The following ARPP21 variants were observed in gnomAD, a reference collection of about 807,000 sequenced individuals.
ARPP21 encodes cAMP regulated phosphoprotein 21.
In ARPP21, 69 loss-of-function variants were observed where a neutral mutation model predicts 113.2. The ratio of observed to expected loss-of-function variants is 0.61; its 90% CI spans 0.50 to 0.74. The LOEUF is 0.74. ARPP21 is among the 30% of genes least tolerant of loss of function. The probability of loss-of-function intolerance (pLI) is 0.00; values close to 1 mark genes in which losing one functional copy is unlikely to be tolerated. For synonymous variants in ARPP21, 368 were observed against 375.5 expected (o/e 0.98, Z 0.23); for missense variants, 1,070 against 1,037.4 (o/e 1.03, Z -0.43).
intron 1 of ARPP21, among the ~76,000 whole-genome samples, chr3:35,653,772 A>G (rs543268118): frequency 6.6e-6 from 1 of 152,202 alleles, no homozygotes; most frequent in African/African-American, 2.4e-5. Context: ...CTCTACATGT[A>G]CTGACTATCC....
At position 35,786,857 on chromosome 3, in the gene ARPP21, A is replaced by G. The variant is rs575145563; in HGVS notation, c.2138-5525A>G. Among the ~76,000 whole-genome samples the G allele has an allele frequency of 9.1e-4, 139 of 152,108 alleles. 1 individual carries two copies. The highest frequency in any genetic ancestry group is 1.7e-3 in the Non-Finnish European group (114 of 67,962). ...GAAGTTGGAGGCAGGAACATCCATG[A>G]CCCCAAAATTCACCTCTCTGAGGCA... On this transcript the variant is annotated intron_variant, in intron 19 of 20. Coordinates refer to ENST00000684406, the MANE Select transcript of ARPP21 (RefSeq NM_001385562.1).
At chr3:35,754,124 A>C (rs2151137234) in intron 19 of ARPP21, among the ~76,000 whole-genome samples, 1 of 152,080 alleles carries the variant, frequency 6.6e-6, no homozygotes, top group Non-Finnish European at 1.5e-5. Flanking sequence ...AATAAGATGC[A>C]TTAATTTATA....
At chr3:35,713,085 A>G (rs2091656897) in intron 11 of ARPP21, among the ~76,000 whole-genome samples, 1 of 152,166 alleles carries the variant, frequency 6.6e-6, no homozygotes, top group Non-Finnish European at 1.5e-5. Flanking sequence ...GATGTGGGAG[A>G]GAACTCTATA....
chr3:35,764,861 A>G (rs2095904329), intron 19 of ARPP21, among the ~76,000 whole-genome samples: 1 of 152,136 alleles, frequency 6.6e-6, no homozygotes, highest in African/African-American at 2.4e-5. Flanking sequence ...AGAGGAATAT[A>G]GAGGAATTTT....
intron 19 of ARPP21, among the ~76,000 whole-genome samples, chr3:35,748,662 T>C (rs541376304): frequency 6.6e-6 from 1 of 152,352 alleles, no homozygotes; most frequent in Non-Finnish European, 1.5e-5. Context: ...TGAAATGAAG[T>C]GTTGATGAAC....
intron 1 of ARPP21, among the ~76,000 whole-genome samples, chr3:35,661,081 A>G (rs1186940376): frequency 2.0e-5 from 3 of 152,136 alleles, no homozygotes; most frequent in Non-Finnish European, 4.4e-5. Flanking sequence ...GGTAAATAAT[A>G]GTTTATCAAC....
intron 19 of ARPP21, among the ~76,000 whole-genome samples, chr3:35,760,703 TG>T (rs1262020298): frequency 6.6e-6 from 1 of 152,108 alleles, no homozygotes; most frequent in Non-Finnish European, 1.5e-5. Context: ...CAGCCCATCA[TG>T]GCACTGTGGA....
At position 35,690,953 on chromosome 3, in the gene ARPP21, G is replaced by A. The variant is rs755440251; in HGVS notation, c.634G>A (p.Val212Met). 29 of 1,610,790 alleles carry A rather than the reference G, an allele frequency of 1.8e-5. No individual in the cohort carries two copies. Among genetic ancestry groups the A allele is most frequent in the Non-Finnish European group, 2.5e-5 (29 of 1,177,992 alleles). ...AGCTTATTTTGGATTGGATCACAAT[G>A]TGGATCAAACAGGAAAATCTGTTAT... ...VAAYFGLDHN[V>M]DQTGKSVIIN... is the part of the protein sequence containing the mutation. Residue 212 changes from valine to methionine, a missense_variant, in exon 9 of 21, where the codon GTG becomes ATG. Val to Met is a conservative substitution (Grantham distance 21). Transcript: ENST00000684406.
chr3:35,655,533 A>G (rs917506028), intron 1 of ARPP21, among the ~76,000 whole-genome samples: 4 of 151,986 alleles, frequency 2.6e-5, no homozygotes, highest in Non-Finnish European at 4.4e-5. Context: ...TATTGTTTCA[A>G]ATGAGGACTC....
chr3:35,778,786 A>G (rs73828914), intron 19 of ARPP21, among the ~76,000 whole-genome samples: 3,417 of 152,250 alleles, frequency 0.022, 120 homozygotes, highest in African/African-American at 0.078. Flanking sequence ...TTTATCTTCT[A>G]TAAAGTGAGA....
chr3:35,788,718 C>A (rs1016568367), intron 19 of ARPP21, among the ~76,000 whole-genome samples: 2 of 152,166 alleles, frequency 1.3e-5, no homozygotes, highest in Non-Finnish European at 2.9e-5. Context: ...AATCTACAAT[C>A]CCTAATCAAT....
chr3:35,737,007 G>C (rs749520475), intron 15 of ARPP21, among the ~76,000 whole-genome samples, 171 bp from the exon 16 acceptor site: 1 of 152,182 alleles, frequency 6.6e-6, no homozygotes, highest in Non-Finnish European at 1.5e-5. Context: ...TAGCTTAAGC[G>C]ATGGGTCACA....
chr3:35,676,577 G>A (rs1455329616), intron 1 of ARPP21, among the ~76,000 whole-genome samples: 1 of 151,914 alleles, frequency 6.6e-6, no homozygotes. Flanking sequence ...TGCACATGAG[G>A]TTGAGTTTAA....
chr3:35,717,225 C>G (rs897470649), intron 12 of ARPP21, 73 bp from the exon 13 acceptor site: 5 of 830,546 alleles, frequency 6.0e-6, no homozygotes, highest in Admixed American at 1.8e-5. Flanking sequence ...TAGTAGAGTA[C>G]ACATCCATGT....
intron 15 of ARPP21, among the ~76,000 whole-genome samples, chr3:35,730,226 T>C (rs2093855070): frequency 6.6e-6 from 1 of 152,192 alleles, no homozygotes; most frequent in African/African-American, 2.4e-5. Context: ...TCAGTTGACT[T>C]CCACATTGAT....
chr3:35,717,525 T>A (rs2150217549), intron 13 of ARPP21, among the ~76,000 whole-genome samples, 168 bp downstream of exon 13: 1 of 152,234 alleles, frequency 6.6e-6, no homozygotes, highest in African/African-American at 2.4e-5. Context: ...TTGGGTAGTA[T>A]GAGATATGAG....
At chr3:35,667,004 A>G (rs1301705909) in intron 1 of ARPP21, among the ~76,000 whole-genome samples, 1 of 152,206 alleles carries the variant, frequency 6.6e-6, no homozygotes, top group Non-Finnish European at 1.5e-5. Context: ...TCAAAAGCGT[A>G]TGGATAAAAT....
intron 9 of ARPP21, 96 bp downstream of exon 9, chr3:35,691,101 A>G: frequency 7.7e-7 from 1 of 1,302,378 alleles, no homozygotes; most frequent in South Asian, 1.6e-5. Flanking sequence ...ATGACATTTA[A>G]AATGTGCAGT....
intron 18 of ARPP21, among the ~76,000 whole-genome samples, chr3:35,740,973 A>T (rs1576492218): frequency 1.3e-5 from 2 of 152,088 alleles, no homozygotes; most frequent in East Asian, 3.9e-4. Context: ...GTGGTGGCAC[A>T]TTCTTGTGGT....
Sources: gnomAD v4.1 joint callset for allele counts (sites outside exome capture counted in the v4.1 genomes callset) on GRCh38, gnomAD v4.1.1 for gene constraint, MANE v1.5 for transcripts, NCBI Gene and HGNC (gene_info 2026-07-23, HGNC 2026-07-21) for gene names.